DNAH3: variants seen among roughly 807,000 people sequenced by gnomAD.
The protein encoded by DNAH3 is dynein axonemal heavy chain 3.
A neutral mutation model predicts 432.5 loss-of-function variants in DNAH3; 332 were observed. That is an observed-to-expected ratio of 0.77 (90% CI 0.70 to 0.84). The LOEUF (loss-of-function observed/expected upper bound fraction) is 0.84, where lower values mean the gene tolerates loss of function less well. Ranked by LOEUF, DNAH3 falls within the 40% of genes least tolerant of loss-of-function variation. The probability of loss-of-function intolerance (pLI) is 0.00; values close to 1 mark genes in which losing one functional copy is unlikely to be tolerated. For missense variants in DNAH3, 4,861 were observed against 5,114.0 expected (o/e 0.95, Z 1.51); for synonymous variants, 1,956 against 1,900.2 (o/e 1.03, Z -0.76).
At chr16:20,957,808 CAAAAAAAAAAAAAAAAAAAAAAA>C (rs762197650) in intron 54 of DNAH3, among the ~76,000 whole-genome samples, 23,217 of 53,550 alleles carry the variant, frequency 0.43, 2,864 homozygotes, top group East Asian at 0.55. Flanking sequence ...ACTCCATCTC[CAAAAAAAAAAAAAAAAAAAAAAA>C]AAAAAAAAAA....
At chr16:21,104,500 C>T (rs1228298035) in exon 16 of DNAH3, 6 of 1,613,848 alleles carry the variant, frequency 3.7e-6, no homozygotes, top group Non-Finnish European at 5.1e-6. Flanking sequence ...CTGCCTGATC[C>T]CTCTTGTGAA....
chr16:20,972,266 C>T (rs2085376856), intron 51 of DNAH3, among the ~76,000 whole-genome samples: 2 of 149,430 alleles, frequency 1.3e-5, no homozygotes, highest in East Asian at 2.0e-4. Context: ...TAAGATCTTA[C>T]TCCGTTGTCC....
intron 24 of DNAH3, among the ~76,000 whole-genome samples, chr16:21,066,077 C>T (rs1162081053): frequency 2.0e-5 from 3 of 152,120 alleles, no homozygotes; most frequent in Admixed American, 1.3e-4. Flanking sequence ...TCCGCCCCCT[C>T]GGCCTCCCAA....
At chr16:21,009,842 G>A (rs1005233977) in intron 41 of DNAH3, among the ~76,000 whole-genome samples, 2 of 144,296 alleles carry the variant, frequency 1.4e-5, no homozygotes, top group African/African-American at 5.1e-5. Flanking sequence ...CCGTGACTAC[G>A]CCACTGCACT....
At chr16:21,075,179 C>A (rs2090931100) in intron 21 of DNAH3, among the ~76,000 whole-genome samples, 1 of 152,114 alleles carries the variant, frequency 6.6e-6, no homozygotes, top group Non-Finnish European at 1.5e-5. Flanking sequence ...CTGGGAGGTG[C>A]TGATTTAGAG....
rs55797285 is a variant in DNAH3 at position 21,040,358 on chromosome 16, ATTTTTT to A, written c.4639-421_4639-416del. 1.3e-3 allele frequency among the ~76,000 whole-genome samples: 107 copies of A among 79,746 alleles called. 6 individuals are homozygous for A. Among genetic ancestry groups the A allele is most frequent in the African/African-American group, 5.2e-3 (92 of 17,762 alleles). The allele number at this position is 79,746 out of a possible 152,430, so 52.3% of individuals were successfully genotyped here. The stretch of plus-strand genomic sequence containing the variant: ...TCAGAAGAATCCCAAAGCCAGACAG[ATTTTTT>A]TTTTTTTTTTTTTTTTTTTTTTAAG... On this transcript the variant is annotated intron_variant, in intron 32 of 61. Coordinates refer to ENST00000261383, the Ensembl canonical transcript of DNAH3.
chr16:21,145,434 C>T lies in DNAH3; in HGVS notation c.223-28G>A, dbSNP rs371726769. ...ACGAGGTAAGAAGTGCAGAGTGAGA[C>T]ACAATGAGGAACATCTCTCGATGAG... is the stretch of plus-strand genomic sequence containing the variant. On this transcript the variant is annotated intron_variant, in intron 2 of 61. Coordinates refer to ENST00000261383, the Ensembl canonical transcript of DNAH3. 1.5e-3 allele frequency: 2,338 copies of T among 1,582,758 alleles called. 6 individuals are homozygous for T. The highest frequency in any genetic ancestry group is 0.012 in the Middle Eastern group (72 of 6,022).
intron 44 of DNAH3, among the ~76,000 whole-genome samples, chr16:20,994,896 T>C (rs2086699786): frequency 6.6e-6 from 1 of 152,266 alleles, no homozygotes; most frequent in Admixed American, 6.5e-5. Context: ...CAGCATTATT[T>C]GCCGTGTTTA....
At chr16:21,063,687 C>A (rs1227512472) in intron 24 of DNAH3, among the ~76,000 whole-genome samples, 1 of 151,862 alleles carries the variant, frequency 6.6e-6, no homozygotes, top group South Asian at 2.1e-4. Context: ...GGACTACAGG[C>A]GCATGCCACC....
At chr16:21,070,322 G>A (rs1004261732) in intron 22 of DNAH3, among the ~76,000 whole-genome samples, 5 of 151,956 alleles carry the variant, frequency 3.3e-5, no homozygotes, top group Admixed American at 6.6e-5. Context: ...CACTCTTGTC[G>A]CCCAGGCTGG....
At chr16:21,110,668 C>T (rs2092049302) in intron 14 of DNAH3, among the ~76,000 whole-genome samples, 1 of 152,142 alleles carries the variant, frequency 6.6e-6, no homozygotes, top group African/African-American at 2.4e-5. Context: ...TCTTGTCTAA[C>T]ACGTAGTTGT....
At chr16:21,036,499 C>T (rs533619176) in intron 35 of DNAH3, among the ~76,000 whole-genome samples, 150 of 152,268 alleles carry the variant, frequency 9.9e-4, no homozygotes, top group South Asian at 1.5e-3. Flanking sequence ...ACTGCAGCCT[C>T]GAACTCCTGG....
chr16:21,054,342 C>T, intron 28 of DNAH3, 78 bp downstream of exon 28: 1 of 1,121,498 alleles, frequency 8.9e-7, no homozygotes, highest in Non-Finnish European at 1.3e-6. Flanking sequence ...ATTATTCCGT[C>T]CAGGAGAACT....
intron 37 of DNAH3, among the ~76,000 whole-genome samples, chr16:21,030,746 T>C (rs191935697): frequency 1.3e-5 from 2 of 152,326 alleles, no homozygotes; most frequent in South Asian, 2.1e-4. Flanking sequence ...AGAGAAGTGA[T>C]GTGACTTGCT....
chr16:21,104,656 C>T (rs919894727), intron 15 of DNAH3, 62 bp from the exon 16 acceptor site: 3 of 961,974 alleles, frequency 3.1e-6, no homozygotes, highest in Admixed American at 1.8e-5. Context: ...CAGCATGTGG[C>T]GAATTAATTA....
At chr16:21,011,719 A>G (rs2152702693) in intron 41 of DNAH3, among the ~76,000 whole-genome samples, 1 of 152,314 alleles carries the variant, frequency 6.6e-6, no homozygotes, top group African/African-American at 2.4e-5. Context: ...GGTATCTTCA[A>G]TAAGGTGCAG....
At chr16:20,963,416 C>T in exon 53 of DNAH3, 3 of 1,614,114 alleles carry the variant, frequency 1.9e-6, no homozygotes, top group Non-Finnish European at 2.5e-6. Context: ...GCAATGAACT[C>T]CCGGACCGCT....
chr16:21,156,195 ATTTT>A (rs2092896352), intron 1 of DNAH3, among the ~76,000 whole-genome samples: 1 of 140,052 alleles, frequency 7.1e-6, no homozygotes, highest in Non-Finnish European at 1.5e-5. Context: ...ATTTTATTTT[ATTTT>A]ATTTATTTTA....
chr16:20,940,871 C>A (rs2083779811), intron 59 of DNAH3, among the ~76,000 whole-genome samples: 1 of 152,100 alleles, frequency 6.6e-6, no homozygotes, highest in African/African-American at 2.4e-5. Flanking sequence ...AGGCTGGAGG[C>A]CTGCTTGAGG....
Sources: gnomAD v4.1 joint callset for allele counts (sites outside exome capture counted in the v4.1 genomes callset) on GRCh38, gnomAD v4.1.1 for gene constraint, MANE v1.5 for transcripts, NCBI Gene and HGNC (gene_info 2026-07-23, HGNC 2026-07-21) for gene names.